Variants in ATP9A observed in about 807,000 individuals in gnomAD.
The protein encoded by ATP9A is ATPase phospholipid transporting 9A, also known as probable phospholipid-transporting ATPase IIA.
In ATP9A, 52 loss-of-function variants were observed where a neutral mutation model predicts 144.1. The ratio of observed to expected loss-of-function variants is 0.36; its 90% CI spans 0.29 to 0.45. The LOEUF is 0.45. Ranked by LOEUF, ATP9A falls within the 20% of genes least tolerant of loss-of-function variation. The probability of loss-of-function intolerance (pLI) is 1.00; values close to 1 mark genes in which losing one functional copy is unlikely to be tolerated. For synonymous variants in ATP9A, 582 were observed against 557.4 expected (o/e 1.04, Z -0.62); for missense variants, 947 against 1,392.7 (o/e 0.68, Z 5.09).
At chr20:51,677,157 T>C (rs1447581012) in intron 9 of ATP9A, among the ~76,000 whole-genome samples, 1 of 147,348 alleles carries the variant, frequency 6.8e-6, no homozygotes, top group Admixed American at 6.8e-5. Context: ...TGGTCTTGAA[T>C]TCCTGGATTC....
chr20:51,664,879 C>A (rs2077426049), intron 13 of ATP9A, among the ~76,000 whole-genome samples: 1 of 145,568 alleles, frequency 6.9e-6, no homozygotes, highest in South Asian at 2.2e-4. Flanking sequence ...GCCACCACCC[C>A]CGGCTAATTT....
At position 51,764,882 on chromosome 20, in the gene ATP9A, G is replaced by A. The variant is rs528366854; in HGVS notation, c.68+3420C>T. Among the ~76,000 whole-genome samples, 10 of 152,008 alleles carry A rather than the reference G, an allele frequency of 6.6e-5. No individual in the cohort carries two copies. In the South Asian group the frequency reaches 1.0e-3, roughly 16 times the overall value. On this transcript the variant is annotated intron_variant, in intron 1 of 27. Transcript: ENST00000338821. Reference sequence around the variant, plus strand: ...AATTACAGGCACCACCACCACACCCGGCTAATTTTTGTATTTTTAGTAGAG... The same window carrying A: ...AATTACAGGCACCACCACCACACCCAGCTAATTTTTGTATTTTTAGTAGAG...
chr20:51,739,906 T>C (rs904065363), intron 1 of ATP9A, among the ~76,000 whole-genome samples: 1 of 152,098 alleles, frequency 6.6e-6, no homozygotes, highest in Non-Finnish European at 1.5e-5. Context: ...GGCCTGAAAA[T>C]GAAGCCCCCA....
chr20:51,603,927 T>C (rs2077153080), intron 27 of ATP9A, among the ~76,000 whole-genome samples: 1 of 152,088 alleles, frequency 6.6e-6, no homozygotes, highest in Non-Finnish European at 1.5e-5. Context: ...ACTACAGGTG[T>C]GTGCCACCAC....
chr20:51,690,450 G>A (rs2077543444), intron 8 of ATP9A, among the ~76,000 whole-genome samples: 1 of 152,106 alleles, frequency 6.6e-6, no homozygotes, highest in South Asian at 2.1e-4. Flanking sequence ...AGATCCATCT[G>A]AAGGACAGAG....
chr20:51,739,973 C>G (rs1837039021), intron 1 of ATP9A, among the ~76,000 whole-genome samples: 1 of 152,170 alleles, frequency 6.6e-6, no homozygotes, highest in Non-Finnish European at 1.5e-5. Flanking sequence ...CAAAGATTCA[C>G]CCACCCCTGG....
chr20:51,743,805 G>A (rs186738274), intron 1 of ATP9A, among the ~76,000 whole-genome samples: 2 of 150,448 alleles, frequency 1.3e-5, no homozygotes, highest in Middle Eastern at 3.2e-3. Flanking sequence ...TCAAGAGATC[G>A]AGACCATCCT....
At chr20:51,723,660 G>A (rs1360780045) in intron 3 of ATP9A, among the ~76,000 whole-genome samples, 1 of 147,914 alleles carries the variant, frequency 6.8e-6, no homozygotes, top group Admixed American at 6.8e-5. Context: ...GGATTCAAGC[G>A]ATTCTCCTGC....
chr20:51,655,862 CAA>C (rs747607464), intron 14 of ATP9A, among the ~76,000 whole-genome samples: 5 of 130,108 alleles, frequency 3.8e-5, no homozygotes, highest in African/African-American at 1.4e-4. Flanking sequence ...TCTATATAGA[CAA>C]AAAAAAAAAT....
rs1354904624 is a variant in ATP9A at position 51,597,385 on chromosome 20, G to C, written c.*3826C>G. The C allele has an allele frequency of 2.0e-5, 3 of 152,156 alleles. No homozygotes were observed. The highest frequency in any genetic ancestry group is 4.4e-5 in the Non-Finnish European group (3 of 68,042). 9.4% of individuals were successfully genotyped at this position (152,156 alleles called of 1,614,324 possible). On this transcript the variant is annotated 3_prime_UTR_variant, in exon 28 of 28. Transcript: ENST00000338821. The stretch of plus-strand genomic sequence containing the variant: ...GCAAAAAAGCTGTACATTAAAAGAA[G>C]GGGGAGAAATAAAATGTGTTGTATT...
intron 1 of ATP9A, among the ~76,000 whole-genome samples, chr20:51,755,977 A>T (rs1188026962): frequency 2.0e-5 from 3 of 152,086 alleles, no homozygotes; most frequent in Admixed American, 6.6e-5. Context: ...AAAAGTTCAT[A>T]GCTGCACTAT....
At chr20:51,763,017 A>G (rs946738329) in intron 1 of ATP9A, among the ~76,000 whole-genome samples, 6 of 151,726 alleles carry the variant, frequency 4.0e-5, no homozygotes, top group Non-Finnish European at 1.5e-5. Flanking sequence ...ACCAAGCCCA[A>G]CTGAAATTCT....
At chr20:51,748,983 G>T (rs1363767428) in intron 1 of ATP9A, among the ~76,000 whole-genome samples, 1 of 98,490 alleles carries the variant, frequency 1.0e-5, no homozygotes, top group African/African-American at 3.9e-5. Flanking sequence ...AAATAAAATG[G>T]AAAAATAATC....
chr20:51,714,317 G>C (rs2077652752), intron 3 of ATP9A, among the ~76,000 whole-genome samples: 1 of 152,072 alleles, frequency 6.6e-6, no homozygotes. Context: ...GGAGTAGCTG[G>C]GACCACAGGT....
intron 4 of ATP9A, among the ~76,000 whole-genome samples, chr20:51,706,973 G>C (rs111662689): frequency 0.01 from 1,561 of 152,224 alleles, 13 homozygotes; most frequent in Middle Eastern, 0.051. Flanking sequence ...TGGCCTGTGT[G>C]GTCTTCTCTG....
At chr20:51,658,516 CTTTT>C (rs35371153) in intron 13 of ATP9A, among the ~76,000 whole-genome samples, 2 of 106,888 alleles carry the variant, frequency 1.9e-5, no homozygotes, top group Admixed American at 1.2e-4. Context: ...CCTATGCTTC[CTTTT>C]TTTTTTTTTT....
At chr20:51,686,306 T>C (rs538881970) in intron 9 of ATP9A, among the ~76,000 whole-genome samples, 11 of 151,228 alleles carry the variant, frequency 7.3e-5, no homozygotes, top group African/African-American at 2.7e-4. Context: ...ATGGCACATG[T>C]ATACAAATGT....
At chr20:51,618,218 T>TAA (rs77903651) in intron 21 of ATP9A, among the ~76,000 whole-genome samples, 19 of 137,118 alleles carry the variant, frequency 1.4e-4, no homozygotes, top group South Asian at 2.4e-4. Context: ...GACTCCGTCT[T>TAA]AAAAAAAAAA....
intron 4 of ATP9A, among the ~76,000 whole-genome samples, chr20:51,697,803 T>G (rs769194037): frequency 1.3e-4 from 20 of 152,164 alleles, no homozygotes; most frequent in Non-Finnish European, 2.1e-4. Context: ...TCAACACCAC[T>G]TAACAGTGAC....
Sources: gnomAD v4.1 joint callset for allele counts (sites outside exome capture counted in the v4.1 genomes callset) on GRCh38, gnomAD v4.1.1 for gene constraint, MANE v1.5 for transcripts, NCBI Gene and HGNC (gene_info 2026-07-23, HGNC 2026-07-21) for gene names.